FAF2: variants seen among roughly 807,000 people sequenced by gnomAD.
FAF2 encodes the protein FAS-associated factor 2.
In FAF2, 9 loss-of-function variants were observed where a neutral mutation model predicts 62.3. The ratio of observed to expected loss-of-function variants is 0.14; its 90% CI spans 0.09 to 0.25. The LOEUF is 0.25. Among genes scored for constraint, FAF2 ranks in the 10% least tolerant of loss-of-function variants. The probability of loss-of-function intolerance (pLI) is 1.00; values close to 1 mark genes in which losing one functional copy is unlikely to be tolerated. For synonymous variants in FAF2, 202 were observed against 198.0 expected, an observed-to-expected ratio of 1.02 and a Z score of -0.17; for missense variants, 368 against 556.2, an observed-to-expected ratio of 0.66 and a Z score of 3.40.
chr5:176,465,135 G>A (rs1758440986), intron 1 of FAF2, among the ~76,000 whole-genome samples: 1 of 151,706 alleles, frequency 6.6e-6, no homozygotes, highest in Non-Finnish European at 1.5e-5. Context: ...AAGTGATCTG[G>A]CCGCTTCAGC....
rs1684663124 is a variant in FAF2, at chr5:176,463,872, G to A, written c.64-15316G>A. On this transcript the variant is annotated intron_variant, in intron 1 of 10. Transcript: ENST00000261942. ...AGCCTCCTGTGTAGCTAGGATTACAGGTGCTCACCACCACACCTGGCTAAT... is the reference window on the plus strand; with the variant it reads ...AGCCTCCTGTGTAGCTAGGATTACAAGTGCTCACCACCACACCTGGCTAAT... Among the ~76,000 whole-genome samples, 3 of 151,876 alleles carry A rather than the reference G, an allele frequency of 2.0e-5. No homozygotes were observed. The South Asian group carries it at 6.2e-4, about 31-fold the overall frequency.
chr5:176,463,260 G>A (rs1249935933), intron 1 of FAF2, among the ~76,000 whole-genome samples: 1 of 151,956 alleles, frequency 6.6e-6, no homozygotes. Context: ...AGCCAGGCAT[G>A]GTGGCAGACT....
chr5:176,500,459 G>A (rs879357636), intron 10 of FAF2, among the ~76,000 whole-genome samples: 1 of 152,034 alleles, frequency 6.6e-6, no homozygotes, highest in Non-Finnish European at 1.5e-5. Flanking sequence ...AAGATGGGAG[G>A]CTCTTCCATG....
intron 1 of FAF2, among the ~76,000 whole-genome samples, chr5:176,471,459 T>A (rs1758567741): frequency 1.4e-5 from 2 of 144,620 alleles, no homozygotes; most frequent in South Asian, 2.2e-4. Context: ...CTCAGCTCAC[T>A]GCAAACTCTG....
At chr5:176,457,653 G>GTGT (rs1554131309) in intron 1 of FAF2, among the ~76,000 whole-genome samples, 6 of 149,986 alleles carry the variant, frequency 4.0e-5, no homozygotes, top group Non-Finnish European at 8.9e-5. Flanking sequence ...TGTTTTCAGG[G>GTGT]GTGTGTGTGT....
chr5:176,451,833 TATATATATACACACATATATATACAC>T (rs1554130933), intron 1 of FAF2, among the ~76,000 whole-genome samples: 5 of 42,554 alleles, frequency 1.2e-4, no homozygotes, highest in Admixed American at 3.1e-4. Context: ...TATATACATA[TATATATATACACACATATATATACAC>T]ATATATATAT....
chr5:176,451,105 T>G (rs773558560), intron 1 of FAF2, among the ~76,000 whole-genome samples: 3 of 152,220 alleles, frequency 2.0e-5, no homozygotes, highest in Non-Finnish European at 4.4e-5. Flanking sequence ...GTGTGGTGGC[T>G]CATGCTTGTA....
chr5:176,496,414 T>G, intron 7 of FAF2, 72 bp from the exon 8 acceptor site: 1 of 1,224,206 alleles, frequency 8.2e-7, no homozygotes, highest in Non-Finnish European at 1.1e-6. Flanking sequence ...CTCTCACTCA[T>G]TGTGGAAAGT....
Position 176,493,987 on chromosome 5 carries a change from T to A in FAF2, c.484-12T>A, listed in dbSNP as rs769094286. The A allele has an allele frequency of 2.5e-6, 4 of 1,603,228 alleles. No homozygotes were observed. The African/African-American group carries it at 4.0e-5, about 16-fold the overall frequency. Reference sequence around the variant, plus strand: ...GTCTTCTTAATAGTGAGTGACCTTCTCTTTCTCACAGGCACTTAACGATGC... The same window carrying A: ...GTCTTCTTAATAGTGAGTGACCTTCACTTTCTCACAGGCACTTAACGATGC... On this transcript the variant is annotated splice_polypyrimidine_tract_variant and intron_variant, in intron 5 of 10. Coordinates refer to ENST00000261942, the MANE Select transcript of FAF2 (RefSeq NM_014613.3).
At chr5:176,481,533 TG>T (rs1465672686) in intron 2 of FAF2, among the ~76,000 whole-genome samples, 2 of 151,918 alleles carry the variant, frequency 1.3e-5, no homozygotes, top group African/African-American at 4.8e-5. Flanking sequence ...GGTGGGCGCC[TG>T]TAGTCCCAGC....
chr5:176,458,023 GC>G (rs1320520412), intron 1 of FAF2, among the ~76,000 whole-genome samples: 2 of 152,070 alleles, frequency 1.3e-5, no homozygotes, highest in African/African-American at 4.8e-5. Context: ...TCTCAATTCA[GC>G]CTTCCTACTT....
intron 2 of FAF2, among the ~76,000 whole-genome samples, chr5:176,479,631 A>G (rs1021601256): frequency 6.6e-6 from 1 of 151,984 alleles, no homozygotes; most frequent in Admixed American, 6.6e-5. Flanking sequence ...TGACCATTGA[A>G]TTAGCAAGAA....
chr5:176,492,411 CATGT>C (rs1203446415), intron 5 of FAF2, 79 bp downstream of exon 5: 24 of 1,431,918 alleles, frequency 1.7e-5, no homozygotes, highest in East Asian at 7.6e-5. Context: ...CAGCACTGAT[CATGT>C]CCTTCTTGTA....
At chr5:176,470,386 T>C (rs933064193) in intron 1 of FAF2, among the ~76,000 whole-genome samples, 4 of 152,248 alleles carry the variant, frequency 2.6e-5, no homozygotes, top group Non-Finnish European at 4.4e-5. Flanking sequence ...GAGACCAGCC[T>C]GACCAACATG....
At chr5:176,487,037 G>A (rs999867230) in intron 3 of FAF2, among the ~76,000 whole-genome samples, 1 of 152,140 alleles carries the variant, frequency 6.6e-6, no homozygotes, top group South Asian at 2.1e-4. Context: ...AGAACTGCTT[G>A]GACTTTCTTT....
chr5:176,495,292 G>A (rs1182719504), intron 7 of FAF2, among the ~76,000 whole-genome samples: 1 of 152,158 alleles, frequency 6.6e-6, no homozygotes, highest in Non-Finnish European at 1.5e-5. Flanking sequence ...CTGCATCCCA[G>A]AGTCTGAATC....
intron 1 of FAF2, among the ~76,000 whole-genome samples, chr5:176,467,102 G>A (rs1185057065): frequency 6.6e-6 from 1 of 151,122 alleles, no homozygotes; most frequent in East Asian, 2.0e-4. Context: ...ACTGGGATGG[G>A]CCTGCCCAAT....
chr5:176,477,059 C>G (rs1346411585), intron 1 of FAF2, among the ~76,000 whole-genome samples: 4 of 150,776 alleles, frequency 2.7e-5, no homozygotes, highest in Non-Finnish European at 5.9e-5. Flanking sequence ...CCGCCCGCCT[C>G]GGCCTCCCAA....
At chr5:176,505,180 A>G (rs975016482) in intron 10 of FAF2, among the ~76,000 whole-genome samples, 2 of 152,182 alleles carry the variant, frequency 1.3e-5, no homozygotes, top group African/African-American at 4.8e-5. Context: ...AATAACTTGA[A>G]TGGTATGTTC....
Sources: gnomAD v4.1 joint callset for allele counts (sites outside exome capture counted in the v4.1 genomes callset) on GRCh38, gnomAD v4.1.1 for gene constraint, MANE v1.5 for transcripts, NCBI Gene and HGNC (gene_info 2026-07-23, HGNC 2026-07-21) for gene names.